P2RY6: variants seen among roughly 807,000 people sequenced by gnomAD.
The protein encoded by P2RY6 is pyrimidinergic receptor P2Y6, also known as P2Y purinoceptor 6.
P2RY6 carries 19 observed loss-of-function variants against 16.3 expected under a neutral mutation model. That is an observed-to-expected ratio of 1.16 (90% CI 0.81 to 1.71). P2RY6 has a LOEUF of 1.71. P2RY6 is among the 40% of genes most tolerant of loss of function. P2RY6 has a pLI of 0.00. For missense variants in P2RY6, 389 were observed against 455.5 expected (o/e 0.85, Z 1.33); for synonymous variants, 184 against 201.5 (o/e 0.91, Z 0.74).
chr11:73,276,737 G>A (rs1188969385), intron 1 of P2RY6, among the ~76,000 whole-genome samples: 1 of 152,172 alleles, frequency 6.6e-6, no homozygotes, highest in East Asian at 1.9e-4. Flanking sequence ...CTGCTATTGG[G>A]TACAGGATTT....
chr11:73,272,313 C>T (rs1016596673), upstream of P2RY6: 3 of 984,984 alleles, frequency 3.0e-6, no homozygotes, highest in East Asian at 1.1e-4. Context: ...CCAGGTCTCT[C>T]GGTTTCCTCA....
intron 1 of P2RY6, among the ~76,000 whole-genome samples, chr11:73,266,711 T>G (rs1863116703): frequency 1.3e-5 from 2 of 152,202 alleles, no homozygotes; most frequent in South Asian, 4.1e-4. Context: ...TGTTGGGAGC[T>G]GTGGAAACAT....
intron 1 of P2RY6, among the ~76,000 whole-genome samples, chr11:73,284,929 C>A (rs528023626): frequency 6.6e-6 from 1 of 152,188 alleles, no homozygotes; most frequent in East Asian, 1.9e-4. Flanking sequence ...ATTTTAAATG[C>A]TAAGGAGAAA....
chr11:73,276,177 A>G (rs1313495509), intron 1 of P2RY6, among the ~76,000 whole-genome samples: 1 of 152,228 alleles, frequency 6.6e-6, no homozygotes, highest in African/African-American at 2.4e-5. Context: ...ATATGATACC[A>G]CTTTACACCC....
At position 73,281,186 on chromosome 11, in the gene P2RY6, A is replaced by T. The variant is rs1442324881; in HGVS notation, c.-121+8720A>T. ...GGACAGCGGGCTCTTGGCACTGACC[A>T]CTCTAAATGGCCAGTAACTATGTCT... On this transcript the variant is annotated intron_variant, in intron 1 of 2. Coordinates refer to ENST00000540124, the MANE Select transcript of P2RY6 (RefSeq NM_001277204.2). 2.0e-5 allele frequency among the ~76,000 whole-genome samples: 3 copies of T among 152,074 alleles called. No individual in the cohort carries two copies. In the South Asian group the frequency reaches 6.2e-4, roughly 31 times the overall value.
In P2RY6 at chr11:73,296,669, ATCTGCACG is replaced by A. The variant is rs774735886; in HGVS notation, c.154_161del (p.Cys52ProfsTer18). On this transcript the variant is annotated frameshift_variant, in exon 3 of 3. Transcript: ENST00000540124. LOFTEE classifies it high-confidence loss of function. Reference sequence around the variant, plus strand: ...GCTGAACATCTGTGTCATTACCCAGATCTGCACGTCCCGCCGGGCCCTGACCCGCACGG... The same window carrying A: ...GCTGAACATCTGTGTCATTACCCAGATCCCGCCGGGCCCTGACCCGCACGG... The A allele has an allele frequency of 3.7e-6, 6 of 1,613,974 alleles. No homozygotes were observed. The African/African-American group carries it at 8.0e-5, about 22-fold the overall frequency.
intron 1 of P2RY6, among the ~76,000 whole-genome samples, chr11:73,282,820 T>A (rs993402054): frequency 6.6e-6 from 1 of 152,134 alleles, no homozygotes; most frequent in Non-Finnish European, 1.5e-5. Context: ...TCATTTCTCA[T>A]GAGTTTGGCT....
upstream of P2RY6, among the ~76,000 whole-genome samples, chr11:73,270,713 G>T (rs576359926): frequency 7.9e-5 from 12 of 152,274 alleles, no homozygotes; most frequent in African/African-American, 2.6e-4. Context: ...AGCGTTGGTG[G>T]CCCTGAGTTG....
chr11:73,268,486 C>T (rs1016838850), upstream of P2RY6, among the ~76,000 whole-genome samples: 17 of 152,130 alleles, frequency 1.1e-4, no homozygotes, highest in African/African-American at 2.9e-4. Context: ...TTTAGCCAGG[C>T]GTAGTAGCTT....
intron 1 of P2RY6, chr11:73,292,824 T>C (rs1340885419): frequency 2.0e-6 from 2 of 985,308 alleles, no homozygotes; most frequent in Non-Finnish European, 2.4e-6. Flanking sequence ...AGTTGCAGCC[T>C]AGCTGAGGGC....
At chr11:73,274,132 A>G (rs1018554823) in intron 1 of P2RY6, among the ~76,000 whole-genome samples, 1 of 152,116 alleles carries the variant, frequency 6.6e-6, no homozygotes, top group Admixed American at 6.6e-5. Flanking sequence ...TACTGTTCCC[A>G]TTTTACAGGA....
chr11:73,291,663 T>C (rs1228044379), intron 1 of P2RY6, among the ~76,000 whole-genome samples: 2 of 152,214 alleles, frequency 1.3e-5, no homozygotes, highest in Non-Finnish European at 2.9e-5. Flanking sequence ...AAAATGGCTT[T>C]GGGGTGAGAT....
intron 1 of P2RY6, among the ~76,000 whole-genome samples, chr11:73,285,413 C>A (rs1185030280): frequency 6.6e-6 from 1 of 151,926 alleles, no homozygotes; most frequent in Non-Finnish European, 1.5e-5. Flanking sequence ...GCAGGAGCCA[C>A]TGTTGCCTGC....
At position 73,297,805 on chromosome 11, in the gene P2RY6, A is replaced by T; in HGVS notation, c.*300A>T. On this transcript the variant is annotated 3_prime_UTR_variant, in exon 3 of 3. Transcript: ENST00000540124. Reference sequence around the variant, plus strand: ...AAAATACAGTGTGACGTGTACTGTCATCAAGGGGTATGCTCCATGCTTTGA... The same window carrying T: ...AAAATACAGTGTGACGTGTACTGTCTTCAAGGGGTATGCTCCATGCTTTGA... The T allele has an allele frequency of 2.5e-6, 1 of 406,666 alleles. No homozygotes were observed. Among genetic ancestry groups the T allele is most frequent in the Non-Finnish European group, 4.6e-6 (1 of 216,610 alleles). The allele number at this position is 406,666 out of a possible 1,614,324, so 25.2% of individuals were successfully genotyped here.
At chr11:73,267,504 A>G (rs1391632114), upstream of P2RY6, among the ~76,000 whole-genome samples, 1 of 152,136 alleles carries the variant, frequency 6.6e-6, no homozygotes, top group Non-Finnish European at 1.5e-5. Flanking sequence ...CAAGGCCATC[A>G]AAAGGAAGGA....
chr11:73,265,923 G>A (rs1863087036), intron 1 of P2RY6, among the ~76,000 whole-genome samples: 1 of 152,220 alleles, frequency 6.6e-6, no homozygotes, highest in South Asian at 2.1e-4. Flanking sequence ...TGTAGATGTG[G>A]ATAGTATTTG....
chr11:73,280,954 T>C (rs1330017194), intron 1 of P2RY6, among the ~76,000 whole-genome samples: 2 of 151,918 alleles, frequency 1.3e-5, no homozygotes, highest in African/African-American at 4.8e-5. Flanking sequence ...AGAAAGGGGC[T>C]GGAATGGCCC....
intron 1 of P2RY6, among the ~76,000 whole-genome samples, chr11:73,277,969 C>A (rs935187063): frequency 6.9e-6 from 1 of 145,600 alleles, no homozygotes; most frequent in Non-Finnish European, 1.5e-5. Flanking sequence ...CTGGTCAAGG[C>A]TGAGTTTTGT....
intron 1 of P2RY6, among the ~76,000 whole-genome samples, chr11:73,290,291 AAAGAAAGAAAGAAAAGAAAGAAAG>A (rs1864154070): frequency 7.2e-6 from 1 of 138,534 alleles, no homozygotes; most frequent in Non-Finnish European, 1.5e-5. Flanking sequence ...GGAAAGAAAG[AAAGAAAGAAAGAAAAGAAAGAAAG>A]AAAGAAAGAA....
Sources: gnomAD v4.1 joint callset for allele counts (sites outside exome capture counted in the v4.1 genomes callset) on GRCh38, gnomAD v4.1.1 for gene constraint, MANE v1.5 for transcripts, NCBI Gene and HGNC (gene_info 2026-07-23, HGNC 2026-07-21) for gene names.